The following INPP5A variants were observed in gnomAD, a reference collection of about 807,000 sequenced individuals.
The protein encoded by INPP5A is 43 kDa inositol polyphosphate 5-phophatase.
In INPP5A, 14 loss-of-function variants were observed where a neutral mutation model predicts 65.2. That is an observed-to-expected ratio of 0.21 (90% CI 0.14 to 0.34). INPP5A has a LOEUF of 0.34. Ranked by LOEUF, INPP5A falls within the 10% of genes least tolerant of loss-of-function variation. The pLI is 1.00. For missense variants in INPP5A, 431 were observed against 545.6 expected (o/e 0.79, Z 2.09); for synonymous variants, 207 against 208.3 (o/e 0.99, Z 0.05).
intron 11 of INPP5A, among the ~76,000 whole-genome samples, chr10:132,752,919 C>T (rs568090618): frequency 6.6e-6 from 1 of 152,112 alleles, no homozygotes; most frequent in African/African-American, 2.4e-5. Flanking sequence ...AATGAAAACA[C>T]GCTGTGGGGT....
chr10:132,734,184 T>C (rs1025387362), intron 9 of INPP5A, among the ~76,000 whole-genome samples: 1 of 152,180 alleles, frequency 6.6e-6, no homozygotes, highest in African/African-American at 2.4e-5. Flanking sequence ...ATGCCAGCTA[T>C]GCTCTCGTGT....
chr10:132,750,438 T>C (rs1036989220), intron 11 of INPP5A, among the ~76,000 whole-genome samples: 4 of 152,050 alleles, frequency 2.6e-5, no homozygotes, highest in African/African-American at 7.2e-5. Flanking sequence ...CCCCTGCCAG[T>C]GAGAGACAGC....
chr10:132,726,261 A>G (rs1231866615), intron 8 of INPP5A, among the ~76,000 whole-genome samples: 4 of 152,240 alleles, frequency 2.6e-5, no homozygotes, highest in Non-Finnish European at 5.9e-5. Context: ...TGGAGATCAT[A>G]TGTAAACCTT....
At chr10:132,739,058 C>CT (rs1846228297) in intron 9 of INPP5A, among the ~76,000 whole-genome samples, 1 of 152,198 alleles carries the variant, frequency 6.6e-6, no homozygotes, top group Non-Finnish European at 1.5e-5. Flanking sequence ...GGCGAAGTGT[C>CT]TGAGGGCCCG....
At chr10:132,728,836 C>G (rs191088948) in intron 9 of INPP5A, among the ~76,000 whole-genome samples, 3,116 of 152,326 alleles carry the variant, frequency 0.02, 37 homozygotes, top group Middle Eastern at 0.085. Context: ...GGGAGCCTCC[C>G]TGGTGAAGGG....
At chr10:132,633,860 C>T (rs2133376808) in intron 2 of INPP5A, among the ~76,000 whole-genome samples, 1 of 152,320 alleles carries the variant, frequency 6.6e-6, no homozygotes, top group East Asian at 1.9e-4. Context: ...GATTTCAAGC[C>T]CATATAAACA....
At chr10:132,624,380 CA>C (rs1191843721) in intron 2 of INPP5A, among the ~76,000 whole-genome samples, 15 of 152,356 alleles carry the variant, frequency 9.8e-5, no homozygotes, top group Admixed American at 7.8e-4. Flanking sequence ...GCCACTTGCA[CA>C]CCGGCATGCC....
intron 1 of INPP5A, among the ~76,000 whole-genome samples, chr10:132,601,775 T>C (rs956097989): frequency 6.6e-6 from 1 of 152,260 alleles, no homozygotes. Flanking sequence ...TTGGCACCAC[T>C]GTCAAAAATC....
intron 8 of INPP5A, among the ~76,000 whole-genome samples, chr10:132,719,817 G>GGA: frequency 6.6e-6 from 1 of 151,036 alleles, no homozygotes; most frequent in East Asian, 2.0e-4. Flanking sequence ...GGTTCTGTCT[G>GGA]GGCACCTTAG....
rs112127958 is a variant in INPP5A at position 132,604,303 on chromosome 10, C to T, written c.76-3612C>T. ...CCCTCTCCATCCTGCCCTGTGCTGT[C>T]AGGGTCCCCTCTCTGGCGCGCCCTG... is the stretch of plus-strand genomic sequence containing the variant. On this transcript the variant is annotated intron_variant, in intron 1 of 15. Coordinates refer to ENST00000368594, the MANE Select transcript of INPP5A (RefSeq NM_005539.5). Among the ~76,000 whole-genome samples the T allele has an allele frequency of 1.8e-3, 265 of 151,242 alleles. 1 individual carries two copies. The highest frequency in any genetic ancestry group is 6.0e-3 in the African/African-American group (249 of 41,188).
rs565381351 is a variant in INPP5A at position 132,674,101 on chromosome 10, G to T, written c.307-16291G>T. Reference sequence around the variant, plus strand: ...ATCCTGTCCACTTGATTATTTAAATGCTCCTCTGCTGAGGTCACCCATTGG... The same window carrying T: ...ATCCTGTCCACTTGATTATTTAAATTCTCCTCTGCTGAGGTCACCCATTGG... On this transcript the variant is annotated intron_variant, in intron 4 of 15. Transcript: ENST00000368594. The surrounding 1 kb of genome is among the most constrained non-coding windows in gnomAD (Gnocchi z 4.4). Among the ~76,000 whole-genome samples, 2 of 152,328 alleles carry T rather than the reference G, an allele frequency of 1.3e-5. No individual in the cohort carries two copies. Among genetic ancestry groups the T allele is most frequent in the Admixed American group, 1.3e-4 (2 of 15,310 alleles).
Position 132,545,872 on chromosome 10 carries a change from G to A in INPP5A, c.75+7701G>A, listed in dbSNP as rs12260424. ...CTCCAGGCCGGCTTTCAGGAAGGCC[G>A]ACTGCCTCAATCGTGGTTGCTGCCT... is the stretch of plus-strand genomic sequence containing the variant. On this transcript the variant is annotated intron_variant, in intron 1 of 15. Coordinates refer to ENST00000368594, the MANE Select transcript of INPP5A (RefSeq NM_005539.5). The surrounding 1 kb of genome is among the most constrained non-coding windows in gnomAD (Gnocchi z 4.6). Among the ~76,000 whole-genome samples, 883 of 152,364 alleles carry A rather than the reference G, an allele frequency of 5.8e-3. 7 individuals carry two copies. Among genetic ancestry groups the A allele is most frequent in the African/African-American group, 0.02 (836 of 41,594 alleles).
At chr10:132,679,289 C>T (rs752941587) in intron 4 of INPP5A, among the ~76,000 whole-genome samples, 3 of 152,120 alleles carry the variant, frequency 2.0e-5, no homozygotes, top group Admixed American at 1.3e-4. Context: ...TGGAGAGATC[C>T]GTGGTTTCCA....
chr10:132,556,242 G>T (rs1441082162), intron 1 of INPP5A, among the ~76,000 whole-genome samples: 1 of 152,216 alleles, frequency 6.6e-6, no homozygotes, highest in Non-Finnish European at 1.5e-5. Flanking sequence ...AGGTCATGCA[G>T]CATTTTAACT....
At chr10:132,733,113 C>T (rs746989661) in intron 9 of INPP5A, among the ~76,000 whole-genome samples, 5 of 152,216 alleles carry the variant, frequency 3.3e-5, no homozygotes, top group South Asian at 2.1e-4. Context: ...GCATCACCTC[C>T]GTCTGCGCCT....
At chr10:132,728,170 C>T (rs1218921587) in intron 9 of INPP5A, among the ~76,000 whole-genome samples, 2 of 152,200 alleles carry the variant, frequency 1.3e-5, no homozygotes, top group African/African-American at 2.4e-5. Flanking sequence ...GGCTCCTGGT[C>T]GAGGCATCCC....
intron 2 of INPP5A, among the ~76,000 whole-genome samples, chr10:132,640,570 G>A (rs547754509): frequency 5.3e-5 from 8 of 152,348 alleles, no homozygotes; most frequent in African/African-American, 1.9e-4. Context: ...ACTTCTCCAG[G>A]CTCTGACTCC....
chr10:132,750,775 G>T (rs901438595), intron 11 of INPP5A, among the ~76,000 whole-genome samples: 3 of 152,108 alleles, frequency 2.0e-5, no homozygotes, highest in African/African-American at 4.8e-5. Context: ...TTCCTAGGGC[G>T]CTCCCGAGCC....
At position 132,649,458 on chromosome 10, in the gene INPP5A, C is replaced by T. The variant is rs573978111; in HGVS notation, c.219-960C>T. 4.7e-5 allele frequency among the ~76,000 whole-genome samples: 7 copies of T among 147,814 alleles called. No individual in the cohort carries two copies. The South Asian group carries it at 1.1e-3, about 24-fold the overall frequency. On this transcript the variant is annotated intron_variant, in intron 3 of 15. Transcript: ENST00000368594. Reference sequence around the variant, plus strand: ...AGGATGGCAGACATTGCGAATGTTACGTTGTTTAGTGTTTGAGCCCTGTTT... The same window carrying T: ...AGGATGGCAGACATTGCGAATGTTATGTTGTTTAGTGTTTGAGCCCTGTTT...
Sources: allele counts gnomAD v4.1 joint callset (sites outside exome capture counted in the v4.1 genomes callset), GRCh38; gene constraint gnomAD v4.1.1; non-coding constraint Gnocchi (gnomAD v3.1); transcripts MANE v1.5; gene names NCBI Gene and HGNC (gene_info 2026-07-23, HGNC 2026-07-21).